The following ZNF445 variants were observed in gnomAD, a reference collection of about 807,000 sequenced individuals.
ZNF445 encodes the protein zinc finger protein 445.
A neutral mutation model predicts 93.9 loss-of-function variants in ZNF445; 19 were observed. The ratio of observed to expected loss-of-function variants is 0.20; its 90% CI spans 0.14 to 0.30. The LOEUF (loss-of-function observed/expected upper bound fraction) is 0.30, where lower values mean the gene tolerates loss of function less well. Among genes scored for constraint, ZNF445 ranks in the 10% least tolerant of loss-of-function variants. The pLI, the probability that ZNF445 is intolerant of heterozygous loss-of-function variation, is 1.00. For synonymous variants in ZNF445, 449 were observed against 446.3 expected, an observed-to-expected ratio of 1.01 and a Z score of -0.08; for missense variants, 1,058 against 1,259.4, an observed-to-expected ratio of 0.84 and a Z score of 2.42.
At chr3:44,461,153 T>C (rs1698109251) in intron 1 of ZNF445, among the ~76,000 whole-genome samples, 1 of 152,136 alleles carries the variant, frequency 6.6e-6, no homozygotes, top group Non-Finnish European at 1.5e-5. Flanking sequence ...CAATGCCTCC[T>C]TCCTTCTCCC....
Position 44,435,497 on chromosome 3 carries a change from C to T in ZNF445, c.*11078G>A, listed in dbSNP as rs1242774916. ...AATCCAATTGTCATTCTCCAAGATC[C>T]ATCTGTCTTCTGCACAGGCTGAGTA... On this transcript the variant is annotated 3_prime_UTR_variant, in exon 8 of 8. Coordinates refer to ENST00000396077, the MANE Select transcript of ZNF445 (RefSeq NM_181489.6). The T allele has an allele frequency of 6.6e-6, 1 of 152,194 alleles. No individual in the cohort carries two copies. Among genetic ancestry groups the T allele is most frequent in the East Asian group, 1.9e-4 (1 of 5,202 alleles). 9.4% of individuals were successfully genotyped at this position (152,194 alleles called of 1,614,324 possible). A position where few individuals can be genotyped will look rare whatever the true frequency, so the allele number is the denominator to read the frequency against.
chr3:44,473,492 A>ACACACAT (rs1559400839), intron 1 of ZNF445, among the ~76,000 whole-genome samples: 1 of 89,032 alleles, frequency 1.1e-5, no homozygotes, highest in African/African-American at 3.4e-5. Context: ...CACACACACA[A>ACACACAT]AAAATGCTTT....
intron 2 of ZNF445, among the ~76,000 whole-genome samples, chr3:44,456,971 T>C (rs1698035785): frequency 6.6e-6 from 1 of 151,958 alleles, no homozygotes; most frequent in Non-Finnish European, 1.5e-5. Context: ...CTACAAAAAA[T>C]ACAAAAAATT....
At chr3:44,469,013 T>C (rs1429589092) in intron 1 of ZNF445, among the ~76,000 whole-genome samples, 1 of 151,498 alleles carries the variant, frequency 6.6e-6, no homozygotes, top group Non-Finnish European at 1.5e-5. Flanking sequence ...ATTCCAGTAT[T>C]TTGGGAGGAT....
At chr3:44,477,116 A>G (rs529626307) in intron 1 of ZNF445, among the ~76,000 whole-genome samples, 16 of 152,324 alleles carry the variant, frequency 1.1e-4, no homozygotes, top group African/African-American at 3.1e-4. Flanking sequence ...TTTTGGCACA[A>G]TATTGTTTCC....
At chr3:44,470,896 A>G (rs1489406269) in intron 1 of ZNF445, among the ~76,000 whole-genome samples, 2 of 152,196 alleles carry the variant, frequency 1.3e-5, no homozygotes, top group African/African-American at 4.8e-5. Context: ...AGCAACTACA[A>G]AAGGATGTTC....
chr3:44,451,612 C>T (rs1027962910), intron 3 of ZNF445, 130 bp from the exon 4 acceptor site: 25 of 1,019,120 alleles, frequency 2.5e-5, no homozygotes, highest in Non-Finnish European at 3.1e-5. Context: ...TTATTACTTC[C>T]AGGCAGGAGG....
Position 44,441,422 on chromosome 3 carries a change from G to A in ZNF445, c.*5153C>T, listed in dbSNP as rs1219578389. ...GTGCTGACCTCCTATCTCATCCCAT[G>A]ACTTGGAATGCCTAACCTCCTGGGA... is the stretch of plus-strand genomic sequence containing the variant. On this transcript the variant is annotated 3_prime_UTR_variant, in exon 8 of 8. Coordinates refer to ENST00000396077, the MANE Select transcript of ZNF445 (RefSeq NM_181489.6). 1 of 152,218 alleles carries A rather than the reference G, an allele frequency of 6.6e-6. No individual in the cohort carries two copies. 9.4% of individuals were successfully genotyped at this position (152,218 alleles called of 1,614,324 possible). A position where few individuals can be genotyped will look rare whatever the true frequency, so the allele number is the denominator to read the frequency against.
At chr3:44,467,922 A>G (rs974366005) in intron 1 of ZNF445, among the ~76,000 whole-genome samples, 2 of 152,192 alleles carry the variant, frequency 1.3e-5, no homozygotes, top group African/African-American at 4.8e-5. Context: ...AAGTCCCCAA[A>G]CTAATACTTT....
rs1698043553 is a variant in ZNF445 at position 44,457,377 on chromosome 3, T to TC, written c.-148+866dup. Among the ~76,000 whole-genome samples the TC allele has an allele frequency of 2.6e-5, 4 of 152,124 alleles. No homozygotes were observed. The South Asian group carries it at 8.3e-4, about 32-fold the overall frequency. Reference sequence around the variant, plus strand: ...GACTCAAACTCCTGGGCTCAAGCGATCCTCTTGCTTCAGCCTCCAGAGGAG... The same window carrying TC: ...GACTCAAACTCCTGGGCTCAAGCGATCCCTCTTGCTTCAGCCTCCAGAGGAG... On this transcript the variant is annotated intron_variant, in intron 2 of 7. Transcript: ENST00000396077.
Position 44,451,402 on chromosome 3 carries a change from A to G in ZNF445, c.510T>C (p.Ala170=), listed in dbSNP as rs1697955958. ...ALRSAQIWSL[A]SPLRSSSALG... ...GAGCAGAGCTGCTCCTGAGAGGTGA[A>G]GCAAGGGACCATATCTGTGCAGATC... The change falls in exon 4 of 8, where the codon GCT becomes GCC. Residue 170 remains alanine, a synonymous_variant. Coordinates refer to ENST00000396077, the MANE Select transcript of ZNF445 (RefSeq NM_181489.6). 1 of 1,614,068 alleles carries G rather than the reference A, an allele frequency of 6.2e-7. No individual in the cohort carries two copies. The highest frequency in any genetic ancestry group is 1.7e-5 in the Admixed American group (1 of 60,004).
chr3:44,473,751 G>T (rs979104821), intron 1 of ZNF445, among the ~76,000 whole-genome samples: 11 of 150,592 alleles, frequency 7.3e-5, no homozygotes, highest in Admixed American at 6.6e-4. Context: ...AAAAAAAATC[G>T]GGGCAAACAG....
At chr3:44,459,495 T>C (rs1698077593) in intron 1 of ZNF445, among the ~76,000 whole-genome samples, 1 of 152,230 alleles carries the variant, frequency 6.6e-6, no homozygotes, top group African/African-American at 2.4e-5. Flanking sequence ...CCATCTCTTC[T>C]TAGGGCTTGA....
chr3:44,450,149 G>A, intron 6 of ZNF445: 1 of 400,204 alleles, frequency 2.5e-6, no homozygotes, highest in Non-Finnish European at 4.7e-6. Context: ...ATGTTGCCCA[G>A]ACTGGTCTCA....
At chr3:44,453,307 T>G (rs1697981996) in intron 3 of ZNF445, among the ~76,000 whole-genome samples, 1 of 152,108 alleles carries the variant, frequency 6.6e-6, no homozygotes, top group African/African-American at 2.4e-5. Flanking sequence ...TTTTTAATTT[T>G]TTTTTTAGAC....
At chr3:44,458,688 C>T (rs1698065388) in intron 1 of ZNF445, among the ~76,000 whole-genome samples, 2 of 152,094 alleles carry the variant, frequency 1.3e-5, no homozygotes. Context: ...TCTCTCTGAC[C>T]TTTTCTTCCC....
At position 44,455,202 on chromosome 3, in the gene ZNF445, C is replaced by T; in HGVS notation, c.348G>A (p.Gln116=). The change falls in exon 3 of 8, where the codon CAG becomes CAA. Residue 116 remains glutamine, a synonymous_variant. Transcript: ENST00000396077. ...CCTCGCCACTCTCAGGGTTATGAAG[C>T]TGCACCCAAACCCGGAGCTCCCCAG... ...ILPGELRVWV[Q]LHNPESGEEA... 1 of 1,614,218 alleles carries T rather than the reference C, an allele frequency of 6.2e-7. No individual in the cohort carries two copies. Among genetic ancestry groups the T allele is most frequent in the East Asian group, 2.2e-5 (1 of 44,882 alleles).
chr3:44,448,847 G>T, intron 7 of ZNF445, 108 bp from the exon 8 acceptor site: 1 of 1,279,712 alleles, frequency 7.8e-7, no homozygotes, highest in Non-Finnish European at 1.1e-6. Context: ...TTGCCTGACT[G>T]CCAATACCTT....
rs1480982466 is a variant in ZNF445 at position 44,433,499 on chromosome 3, AG to A, written c.*13075del. 6.6e-6 allele frequency: 1 copy of A among 152,212 alleles called. No homozygotes were observed. The highest frequency in any genetic ancestry group is 1.5e-5 in the Non-Finnish European group (1 of 68,046). The allele number at this position is 152,212 out of a possible 1,614,324, so 9.4% of individuals were successfully genotyped here. Reference sequence around the variant, plus strand: ...AGAAATAGGACAGACAACTCAATGAAGTCTCAGAGAGCCATTCTAAGAACCC... The same window carrying A: ...AGAAATAGGACAGACAACTCAATGAATCTCAGAGAGCCATTCTAAGAACCC... On this transcript the variant is annotated 3_prime_UTR_variant, in exon 8 of 8. Coordinates refer to ENST00000396077, the MANE Select transcript of ZNF445 (RefSeq NM_181489.6).
Sources: gnomAD v4.1 joint callset for allele counts (sites outside exome capture counted in the v4.1 genomes callset) on GRCh38, gnomAD v4.1.1 for gene constraint, MANE v1.5 for transcripts, NCBI Gene and HGNC (gene_info 2026-07-23, HGNC 2026-07-21) for gene names.